ETV6: variants seen among roughly 807,000 people sequenced by gnomAD.
ETV6 encodes the protein transcription factor ETV6.
Under a neutral mutation model 51.1 loss-of-function variants are expected in ETV6, and 16 were observed. The ratio of observed to expected loss-of-function variants is 0.31; its 90% CI spans 0.21 to 0.48. ETV6 has a LOEUF of 0.48. Ranked by LOEUF, ETV6 falls within the 20% of genes least tolerant of loss-of-function variation. The pLI is 0.99. For synonymous variants in ETV6, 240 were observed against 224.1 expected, an observed-to-expected ratio of 1.07 and a Z score of -0.64; for missense variants, 458 against 594.8, an observed-to-expected ratio of 0.77 and a Z score of 2.39.
At chr12:11,732,795 A>G (rs1253215788) in intron 1 of ETV6, among the ~76,000 whole-genome samples, 1 of 152,220 alleles carries the variant, frequency 6.6e-6, no homozygotes, top group Non-Finnish European at 1.5e-5. Context: ...GCTCTTCTCC[A>G]TTTCAATTGC....
At chr12:11,824,751 G>A (rs117570824) in intron 2 of ETV6, among the ~76,000 whole-genome samples, 8,795 of 152,198 alleles carry the variant, frequency 0.058, 359 homozygotes, top group Non-Finnish European at 0.085. Context: ...CAGCCTGAGC[G>A]ACAGAGCAAG....
chr12:11,751,323 C>A (rs1008418542), intron 1 of ETV6: 1 of 518,528 alleles, frequency 1.9e-6, no homozygotes, highest in Non-Finnish European at 3.8e-6. Flanking sequence ...CTTAAATGTA[C>A]GATTTTCTTT....
At chr12:11,708,813 T>G (rs150716639) in intron 1 of ETV6, among the ~76,000 whole-genome samples, 5 of 152,322 alleles carry the variant, frequency 3.3e-5, no homozygotes, top group African/African-American at 1.2e-4. Context: ...CAGCCATCAA[T>G]GAGAATTTAT....
rs147608263 is a variant in ETV6 at position 11,880,769 on chromosome 12, T to G, written c.1010-3676T>G. On this transcript the variant is annotated intron_variant, in intron 5 of 7. Coordinates refer to ENST00000396373, the MANE Select transcript of ETV6 (RefSeq NM_001987.5). Reference sequence around the variant, plus strand: ...TGTAAAAGACAACCAGGTCGTTTCTTAATTGCTGAAATTTATTAAAATGAA... The same window carrying G: ...TGTAAAAGACAACCAGGTCGTTTCTGAATTGCTGAAATTTATTAAAATGAA... Among the ~76,000 whole-genome samples the G allele has an allele frequency of 2.5e-4, 38 of 152,306 alleles. No homozygotes were observed. In the East Asian group the frequency reaches 6.2e-3, roughly 25 times the overall value.
chr12:11,742,100 T>G (rs1283161332), intron 1 of ETV6, among the ~76,000 whole-genome samples: 1 of 152,242 alleles, frequency 6.6e-6, no homozygotes, highest in African/African-American at 2.4e-5. Flanking sequence ...AGGCACAGAA[T>G]CTTATGTAAA....
At chr12:11,773,600 A>G (rs1295275183) in intron 2 of ETV6, among the ~76,000 whole-genome samples, 1 of 152,214 alleles carries the variant, frequency 6.6e-6, no homozygotes, top group Non-Finnish European at 1.5e-5. Flanking sequence ...TTTGAAGGAG[A>G]CTTTATCCAT....
At chr12:11,715,401 G>A (rs1024337628) in intron 1 of ETV6, among the ~76,000 whole-genome samples, 1 of 152,198 alleles carries the variant, frequency 6.6e-6, no homozygotes, top group South Asian at 2.1e-4. Context: ...TACATAGTGA[G>A]TGCCAGGTGG....
chr12:11,850,440 C>T (rs1178424498), intron 3 of ETV6, among the ~76,000 whole-genome samples: 5 of 152,000 alleles, frequency 3.3e-5, no homozygotes, highest in Non-Finnish European at 5.9e-5. Flanking sequence ...TAAAGCTGGC[C>T]GTGACCCAGA....
chr12:11,820,526 CAGGGAGGACTTGA>C (rs1397627103), intron 2 of ETV6, among the ~76,000 whole-genome samples: 1 of 152,018 alleles, frequency 6.6e-6, no homozygotes, highest in Non-Finnish European at 1.5e-5. Flanking sequence ...AAGGAGTGTC[CAGGGAGGACTTGA>C]AGGAAGTGAG....
chr12:11,691,799 G>T (rs564138497), intron 1 of ETV6, among the ~76,000 whole-genome samples: 127 of 152,294 alleles, frequency 8.3e-4, no homozygotes, highest in African/African-American at 2.9e-3. Flanking sequence ...AAACAGGTTT[G>T]CCATAAATAT....
chr12:11,738,083 C>T (rs907849963), intron 1 of ETV6, among the ~76,000 whole-genome samples: 1 of 152,020 alleles, frequency 6.6e-6, no homozygotes, highest in Non-Finnish European at 1.5e-5. Flanking sequence ...TTGGGTGTAT[C>T]TTACCATGTA....
intron 2 of ETV6, among the ~76,000 whole-genome samples, chr12:11,765,744 G>A (rs1196971119): frequency 6.6e-6 from 1 of 151,890 alleles, no homozygotes; most frequent in Non-Finnish European, 1.5e-5. Context: ...CACCACCCTG[G>A]ATAAAAGGTA....
chr12:11,650,481 T>TAAAAAAAAAAAAAAAAAAAAAAAAA (rs367594605), intron 1 of ETV6, among the ~76,000 whole-genome samples: 3 of 43,328 alleles, frequency 6.9e-5, no homozygotes, highest in Non-Finnish European at 1.2e-4. Flanking sequence ...TTAGTGCGCT[T>TAAAAAAAAAAAAAAAAAAAAAAAAA]AAAAAAAAAA....
At chr12:11,790,552 A>G (rs1254208834) in intron 2 of ETV6, among the ~76,000 whole-genome samples, 4 of 151,952 alleles carry the variant, frequency 2.6e-5, no homozygotes, top group African/African-American at 9.7e-5. Flanking sequence ...CCAACCTCCT[A>G]GGAGCACAGT....
intron 1 of ETV6, among the ~76,000 whole-genome samples, chr12:11,658,760 G>A (rs1591590725): frequency 6.6e-6 from 1 of 152,334 alleles, no homozygotes; most frequent in East Asian, 1.9e-4. Context: ...GATGAGCCAA[G>A]TGCAATTATA....
chr12:11,874,575 CATATAT>C (rs1946941624), intron 5 of ETV6, among the ~76,000 whole-genome samples: 1 of 6,688 alleles, frequency 1.5e-4, no homozygotes, highest in African/African-American at 2.6e-4. Flanking sequence ...CGTGTGTACA[CATATAT>C]GTGTGTATAC....
chr12:11,873,580 A>G (rs929795075), intron 5 of ETV6, among the ~76,000 whole-genome samples: 1 of 114,522 alleles, frequency 8.7e-6, no homozygotes, highest in Non-Finnish European at 1.8e-5. Flanking sequence ...GATGAGTACT[A>G]TAGCTGGAGG....
At chr12:11,728,622 C>G (rs1865536055) in intron 1 of ETV6, among the ~76,000 whole-genome samples, 1 of 152,018 alleles carries the variant, frequency 6.6e-6, no homozygotes, top group South Asian at 2.1e-4. Flanking sequence ...AGGTTGAGGA[C>G]TGCTTGTCTA....
At chr12:11,714,220 CAAAG>C (rs1246484081) in intron 1 of ETV6, among the ~76,000 whole-genome samples, 2 of 152,066 alleles carry the variant, frequency 1.3e-5, no homozygotes, top group South Asian at 2.1e-4. Flanking sequence ...GGAAAGAGGA[CAAAG>C]AAAGAGAGGC....
Sources: allele counts gnomAD v4.1 joint callset (sites outside exome capture counted in the v4.1 genomes callset), GRCh38; gene constraint gnomAD v4.1.1; transcripts MANE v1.5; gene names NCBI Gene and HGNC (gene_info 2026-07-23, HGNC 2026-07-21).